The following OVCH1 variants were observed in gnomAD, a reference collection of about 807,000 sequenced individuals.
OVCH1 encodes the protein ovochymase-1.
A neutral mutation model predicts 138.4 loss-of-function variants in OVCH1; 139 were observed. The ratio of observed to expected loss-of-function variants is 1.00; its 90% CI spans 0.87 to 1.16. OVCH1 has a LOEUF of 1.16. Among genes scored for constraint, OVCH1 ranks in the 50% most tolerant of loss-of-function variants. The probability of loss-of-function intolerance (pLI) is 0.00; values close to 1 mark genes in which losing one functional copy is unlikely to be tolerated. For synonymous variants in OVCH1, 453 were observed against 467.8 expected (o/e 0.97, Z 0.41); for missense variants, 1,367 against 1,357.9 (o/e 1.01, Z -0.11).
chr12:29,495,507 T>C, intron 3 of OVCH1, 50 bp from the exon 4 acceptor site: 1 of 1,514,934 alleles, frequency 6.6e-7, no homozygotes, highest in Non-Finnish European at 9.0e-7. Context: ...CCTACGCAAG[T>C]CTTCTTGGTT....
chr12:29,473,121 AT>A lies in OVCH1; in HGVS notation c.1601-19del. The A allele has an allele frequency of 6.5e-7, 1 of 1,549,946 alleles. No homozygotes were observed. The highest frequency in any genetic ancestry group is 8.8e-7 in the Non-Finnish European group (1 of 1,132,546). Reference sequence around the variant, plus strand: ...TAAAGACTCTGTAGAAGAAAAAAAAATTAATTGAAAGTAATTAGAGAAGTTG... The same window carrying A: ...TAAAGACTCTGTAGAAGAAAAAAAAATAATTGAAAGTAATTAGAGAAGTTG... On this transcript the variant is annotated intron_variant, in intron 14 of 27. Transcript: ENST00000318184.
chr12:29,403,305 T>G, the OVCH1 span, among the ~76,000 whole-genome samples: 1 of 152,206 alleles, frequency 6.6e-6, no homozygotes, highest in South Asian at 2.1e-4. Flanking sequence ...ATCCTGAATA[T>G]TATGCTTTTC....
At chr12:29,416,786 G>C (rs1941036003) in intron 3 of OVCH1, among the ~76,000 whole-genome samples, 1 of 152,098 alleles carries the variant, frequency 6.6e-6, no homozygotes, top group African/African-American at 2.4e-5. Flanking sequence ...ATATAACCCA[G>C]AAATTACACT....
intron 14 of OVCH1, among the ~76,000 whole-genome samples, chr12:29,473,504 T>C (rs900414889): frequency 6.6e-6 from 1 of 152,172 alleles, no homozygotes; most frequent in African/African-American, 2.4e-5. Flanking sequence ...ATCTCTTTCC[T>C]GAATCCTAGA....
intron 22 of OVCH1, among the ~76,000 whole-genome samples, chr12:29,445,621 T>G (rs138565751): frequency 1.2e-3 from 185 of 152,232 alleles, no homozygotes; most frequent in African/African-American, 4.1e-3. Context: ...GTATCCAATA[T>G]CCATCATTAT....
chr12:29,480,047 C>T (rs1391627828), intron 8 of OVCH1, among the ~76,000 whole-genome samples: 3 of 152,078 alleles, frequency 2.0e-5, no homozygotes. Context: ...TGGTCTTGAA[C>T]TCCTGACCTC....
downstream of OVCH1, among the ~76,000 whole-genome samples, chr12:29,409,917 C>T (rs1940931761): frequency 6.6e-6 from 1 of 152,108 alleles, no homozygotes; most frequent in Admixed American, 6.6e-5. Flanking sequence ...GTGTTAAAGT[C>T]TCCCATTATT....
chr12:29,407,519 C>A (rs6487819), downstream of OVCH1, among the ~76,000 whole-genome samples: 105,789 of 146,152 alleles, frequency 0.72, 39,639 homozygotes, highest in Middle Eastern at 0.86. Flanking sequence ...TCAGCTTTCT[C>A]CATATGGCTA....
intron 26 of OVCH1, among the ~76,000 whole-genome samples, chr12:29,434,852 G>A (rs1941330382): frequency 2.0e-5 from 3 of 152,162 alleles, no homozygotes; most frequent in Non-Finnish European, 4.4e-5. Context: ...TTAGAATAGA[G>A]AGCTGGATGT....
intron 26 of OVCH1, among the ~76,000 whole-genome samples, chr12:29,436,672 C>T (rs1489923757): frequency 6.6e-6 from 1 of 152,136 alleles, no homozygotes; most frequent in Non-Finnish European, 1.5e-5. Context: ...GGTTCATGGT[C>T]TTGCTGACTT....
intron 8 of OVCH1, among the ~76,000 whole-genome samples, chr12:29,483,452 A>G (rs924335157): frequency 1.3e-5 from 2 of 152,204 alleles, no homozygotes; most frequent in African/African-American, 4.8e-5. Context: ...ACTTGAAATA[A>G]ATATTTATAT....
At chr12:29,441,501 TAAAACCATAAAAAACCCTAGAAC>T (rs1458221414) in intron 25 of OVCH1, among the ~76,000 whole-genome samples, 3 of 152,112 alleles carry the variant, frequency 2.0e-5, no homozygotes. Flanking sequence ...ATGTTAGACC[TAAAACCATAAAAAACCCTAGAAC>T]AAAACCTAGG....
chr12:29,435,161 A>G (rs1941335025), intron 26 of OVCH1, among the ~76,000 whole-genome samples: 4 of 152,126 alleles, frequency 2.6e-5, no homozygotes, highest in Admixed American at 2.6e-4. Flanking sequence ...CACAAGTCAA[A>G]CCCATTAGTT....
chr12:29,411,617 G>A (rs1357473078), downstream of OVCH1, among the ~76,000 whole-genome samples: 3 of 152,056 alleles, frequency 2.0e-5, no homozygotes, highest in African/African-American at 4.8e-5. Flanking sequence ...GCAGAACAGC[G>A]GTTTTTCGTG....
At chr12:29,416,996 G>A (rs1391715466) in intron 3 of OVCH1, among the ~76,000 whole-genome samples, 1 of 152,148 alleles carries the variant, frequency 6.6e-6, no homozygotes, top group African/African-American at 2.4e-5. Flanking sequence ...ACTATCAAAA[G>A]GAAAGAACTA....
At chr12:29,452,775 T>C (rs1449552954) in intron 21 of OVCH1, among the ~76,000 whole-genome samples, 1 of 152,172 alleles carries the variant, frequency 6.6e-6, no homozygotes, top group Non-Finnish European at 1.5e-5. Flanking sequence ...AAAGAAACCA[T>C]TGCTAAGATT....
exon 21 of OVCH1, chr12:29,454,929 A>C (rs1941903003): frequency 6.2e-7 from 1 of 1,607,992 alleles, no homozygotes; most frequent in African/African-American, 1.3e-5. Flanking sequence ...GAAGTGAAGC[A>C]GGACCTGTAT....
chr12:29,432,359 A>G (rs975384805), intron 27 of OVCH1, among the ~76,000 whole-genome samples: 4 of 152,208 alleles, frequency 2.6e-5, no homozygotes, highest in African/African-American at 4.8e-5. Context: ...TTCTAGCTCT[A>G]TTTTACTGAA....
At chr12:29,451,185 A>C (rs537219026) in intron 22 of OVCH1, among the ~76,000 whole-genome samples, 160 bp downstream of exon 22, 1 of 151,922 alleles carries the variant, frequency 6.6e-6, no homozygotes, top group East Asian at 1.9e-4. Flanking sequence ...AATAATAATA[A>C]TAAAGAAAAT....
Sources: gnomAD v4.1 joint callset for allele counts (sites outside exome capture counted in the v4.1 genomes callset) on GRCh38, gnomAD v4.1.1 for gene constraint, MANE v1.5 for transcripts, NCBI Gene and HGNC (gene_info 2026-07-23, HGNC 2026-07-21) for gene names.